IL6ST: variants seen among roughly 807,000 people sequenced by gnomAD.
IL6ST encodes interleukin-6 receptor subunit beta.
IL6ST carries 24 observed loss-of-function variants against 91.3 expected under a neutral mutation model. The observed-to-expected ratio is 0.26, with a 90% CI of 0.19 to 0.37. The LOEUF is 0.37. Ranked by LOEUF, IL6ST falls within the 10% of genes least tolerant of loss-of-function variation. The pLI, the probability that IL6ST is intolerant of heterozygous loss-of-function variation, is 1.00. For missense variants in IL6ST, 914 were observed against 1,078.5 expected, an observed-to-expected ratio of 0.85 and a Z score of 2.14; for synonymous variants, 351 against 373.6, an observed-to-expected ratio of 0.94 and a Z score of 0.70.
chr5:55,968,200 C>T, intron 5 of IL6ST, 76 bp downstream of exon 5: 1 of 1,203,738 alleles, frequency 8.3e-7, no homozygotes, highest in Non-Finnish European at 1.2e-6. Context: ...AATATTATTA[C>T]TTGGTAAAAT....
intron 2 of IL6ST, among the ~76,000 whole-genome samples, chr5:55,980,006 T>C (rs535589950): frequency 6.6e-6 from 1 of 152,336 alleles, no homozygotes; most frequent in African/African-American, 2.4e-5. Context: ...CATTGTTACA[T>C]TGTTAAGGTA....
At chr5:55,950,781 G>A (rs1353452991) in intron 14 of IL6ST, among the ~76,000 whole-genome samples, 1 of 151,336 alleles carries the variant, frequency 6.6e-6, no homozygotes, top group Non-Finnish European at 1.5e-5. Flanking sequence ...CCAGGAGTTT[G>A]AGACCAGCCA....
At chr5:55,989,963 G>T (rs929586273) in intron 1 of IL6ST, among the ~76,000 whole-genome samples, 2 of 152,042 alleles carry the variant, frequency 1.3e-5, no homozygotes, top group Non-Finnish European at 1.5e-5. Context: ...CTAGGGGGTG[G>T]GGTTGGGGGT....
intron 1 of IL6ST, among the ~76,000 whole-genome samples, chr5:55,993,771 A>C (rs1754467491): frequency 6.6e-6 from 1 of 152,214 alleles, no homozygotes. Flanking sequence ...ATAGTTCAAA[A>C]ATACTTCCAA....
At position 55,938,316 on chromosome 5, in the gene IL6ST, C is replaced by T. The variant is rs1750663498; in HGVS notation, c.*2766G>A. On this transcript the variant is annotated 3_prime_UTR_variant, in exon 17 of 17. Coordinates refer to ENST00000381298, the MANE Select transcript of IL6ST (RefSeq NM_002184.4). The stretch of plus-strand genomic sequence containing the variant: ...CTGCTGTTCCCGAGTGCCGACTGAT[C>T]CATAGTAAAAAAGGACAAGATTAAA... 2 of 191,308 alleles carry T rather than the reference C, an allele frequency of 1.0e-5. No individual in the cohort carries two copies. Among genetic ancestry groups the T allele is most frequent in the Non-Finnish European group, 2.2e-5 (2 of 91,552 alleles). The allele number at this position is 191,308 out of a possible 1,614,324, so 11.9% of individuals were successfully genotyped here.
intron 1 of IL6ST, among the ~76,000 whole-genome samples, chr5:55,991,999 A>G (rs1307885678): frequency 6.6e-6 from 1 of 152,184 alleles, no homozygotes. Context: ...GCAAACCACT[A>G]GACTTCCTCT....
chr5:55,964,327 T>G lies in IL6ST; in HGVS notation c.492-15A>C. ...TGTGTGTTGCCCTAAATACAAAAAATTGAAGAATCAGTCATTAAAAACACA... is the reference window on the plus strand; with the variant it reads ...TGTGTGTTGCCCTAAATACAAAAAAGTGAAGAATCAGTCATTAAAAACACA... On this transcript the variant is annotated splice_polypyrimidine_tract_variant and intron_variant, in intron 5 of 16. Coordinates refer to ENST00000381298, the MANE Select transcript of IL6ST (RefSeq NM_002184.4). 6.3e-7 allele frequency: 1 copy of G among 1,587,704 alleles called. No homozygotes were observed. Among genetic ancestry groups the G allele is most frequent in the Non-Finnish European group, 8.6e-7 (1 of 1,165,796 alleles).
At chr5:55,980,924 C>T (rs1431678845) in intron 2 of IL6ST, among the ~76,000 whole-genome samples, 1 of 152,140 alleles carries the variant, frequency 6.6e-6, no homozygotes, top group Admixed American at 6.5e-5. Context: ...AGATGGGGGT[C>T]TCACTATGTT....
chr5:55,958,557 G>C (rs896502655), intron 8 of IL6ST, among the ~76,000 whole-genome samples: 1 of 152,116 alleles, frequency 6.6e-6, no homozygotes, highest in African/African-American at 2.4e-5. Flanking sequence ...AAGCAGTAAG[G>C]CTGGGTGTGG....
In IL6ST at chr5:55,952,048, G is replaced by C; in HGVS notation, c.1580C>G (p.Thr527Arg). 6.2e-7 allele frequency: 1 copy of C among 1,613,066 alleles called. No individual in the cohort carries two copies. The highest frequency in any genetic ancestry group is 1.7e-4 in the Middle Eastern group (1 of 6,054). The change falls in exon 13 of 17, where the codon ACA becomes AGA. Residue 527 changes from threonine to arginine, a missense_variant. Transcript: ENST00000381298. ...APPSKGPTVRTKKVGKNEAVL... is the reference protein window; with the variant it reads ...APPSKGPTVRRKKVGKNEAVL... ...AGCTTCGTTTTTCCCTACTTTTTTT[G>C]TCCGAACAGTAGGTCCTTTGGAAGG... is the stretch of plus-strand genomic sequence containing the variant.
In IL6ST at chr5:55,956,134, T is replaced by C. The variant is rs752609772; in HGVS notation, c.1158A>G (p.Lys386=). The change falls in exon 10 of 17, where the codon AAA becomes AAG. Residue 386 remains lysine (K), a synonymous_variant. Coordinates refer to ENST00000381298, the MANE Select transcript of IL6ST (RefSeq NM_002184.4). ...HLQNYTVNAT[K]LTVNLTNDRY... ...GATCATTTGTGAGATTTACTGTCAG[T>C]TTTGTGGCATTAACTGTGTAATTTT... 13 of 1,611,352 alleles carry C rather than the reference T, an allele frequency of 8.1e-6. No individual in the cohort carries two copies.
intron 3 of IL6ST, 49 bp from the exon 4 acceptor site, chr5:55,969,904 A>G (rs1411294414): frequency 1.6e-6 from 2 of 1,245,886 alleles, no homozygotes; most frequent in African/African-American, 1.5e-5. Context: ...TTTTTCTGGT[A>G]CAAAATGATA....
chr5:55,980,094 T>C (rs1037208244), intron 2 of IL6ST, among the ~76,000 whole-genome samples: 3 of 152,210 alleles, frequency 2.0e-5, no homozygotes, highest in Non-Finnish European at 4.4e-5. Context: ...TTTTTATATA[T>C]GCACAGTATC....
At chr5:55,965,674 C>CAAAG (rs566649804) in intron 5 of IL6ST, among the ~76,000 whole-genome samples, 101 of 151,818 alleles carry the variant, frequency 6.7e-4, no homozygotes, top group Admixed American at 3.5e-3. Context: ...AGAGAGCTAT[C>CAAAG]AAAGGCTAAG....
intron 6 of IL6ST, 50 bp from the exon 7 acceptor site, chr5:55,963,556 T>C (rs1752462424): frequency 3.0e-6 from 4 of 1,328,308 alleles, no homozygotes; most frequent in South Asian, 1.2e-5. Flanking sequence ...CAATTTCATA[T>C]ACAAACTCAA....
chr5:55,969,055 C>T lies in IL6ST; in HGVS notation c.370+495G>A, dbSNP rs1018253151. Among the ~76,000 whole-genome samples, 8 of 151,886 alleles carry T rather than the reference C, an allele frequency of 5.3e-5. No individual in the cohort carries two copies. The South Asian group carries it at 1.2e-3, about 24-fold the overall frequency. On this transcript the variant is annotated intron_variant, in intron 4 of 16. Transcript: ENST00000381298. ...CTAAAAATATGAAAAATTAGCCGGG[C>T]GTGGTGGCTCATGCCTGTAGTCCCA...
rs1371925928 is a variant in IL6ST, at chr5:55,939,001, A to C, written c.*2081T>G. On this transcript the variant is annotated 3_prime_UTR_variant, in exon 17 of 17. Coordinates refer to ENST00000381298, the MANE Select transcript of IL6ST (RefSeq NM_002184.4). ...TCATTCCTGTAGATTAAGAGTTCAT[A>C]TTGTATATCTGACCCTGAAATGTAC... 1 of 205,218 alleles carries C rather than the reference A, an allele frequency of 4.9e-6. No individual in the cohort carries two copies. Among genetic ancestry groups the C allele is most frequent in the African/African-American group, 2.3e-5 (1 of 43,746 alleles). 12.7% of individuals were successfully genotyped at this position (205,218 alleles called of 1,614,324 possible).
rs1327267503 is a variant in IL6ST at position 55,936,090 on chromosome 5, T to C, written c.*4992A>G. 4 of 228,410 alleles carry C rather than the reference T, an allele frequency of 1.8e-5. No individual in the cohort carries two copies. Among genetic ancestry groups the C allele is most frequent in the Non-Finnish European group, 8.7e-6 (1 of 115,092 alleles). 14.1% of individuals were successfully genotyped at this position (228,410 alleles called of 1,614,324 possible). On this transcript the variant is annotated 3_prime_UTR_variant, in exon 17 of 17. Coordinates refer to ENST00000381298, the MANE Select transcript of IL6ST (RefSeq NM_002184.4). The stretch of plus-strand genomic sequence containing the variant: ...GGTTTTTTGACTCACTACATTTTTT[T>C]AGACAAAATCACAATGTGAAGGCAC...
intron 3 of IL6ST, among the ~76,000 whole-genome samples, chr5:55,973,409 A>T (rs1753079506): frequency 6.6e-6 from 1 of 152,206 alleles, no homozygotes; most frequent in African/African-American, 2.4e-5. Context: ...CTAGATCATT[A>T]AAAGAATACA....
Sources: gnomAD v4.1 joint callset for allele counts (sites outside exome capture counted in the v4.1 genomes callset) on GRCh38, gnomAD v4.1.1 for gene constraint, MANE v1.5 for transcripts, NCBI Gene and HGNC (gene_info 2026-07-23, HGNC 2026-07-21) for gene names.